PDE10A: variants seen among roughly 807,000 people sequenced by gnomAD.
The protein encoded by PDE10A is phosphodiesterase 10A, also known as cAMP and cAMP-inhibited cGMP 3',5'-cyclic phosphodiesterase 10A.
PDE10A carries 39 observed loss-of-function variants against 97.7 expected under a neutral mutation model. The observed-to-expected ratio is 0.40, with a 90% confidence interval of 0.31 to 0.52. PDE10A has a LOEUF of 0.52. Ranked by LOEUF, PDE10A falls within the 20% of genes least tolerant of loss-of-function variation. The pLI is 0.56. For synonymous variants in PDE10A, 371 were observed against 376.8 expected, an observed-to-expected ratio of 0.98 and a Z score of 0.18; for missense variants, 731 against 1,047.8, an observed-to-expected ratio of 0.70 and a Z score of 4.17.
chr6:165,353,722 T>C (rs1466100113), intron 18 of PDE10A, among the ~76,000 whole-genome samples: 1 of 151,862 alleles, frequency 6.6e-6, no homozygotes, highest in Non-Finnish European at 1.5e-5. Context: ...TTGCCAGGAG[T>C]TGCGGAGAGT....
At chr6:165,842,274 G>A (rs1780283832) in intron 1 of PDE10A, among the ~76,000 whole-genome samples, 1 of 152,122 alleles carries the variant, frequency 6.6e-6, no homozygotes, top group Admixed American at 6.5e-5. Context: ...ACAGATAACA[G>A]CGTTGATCTC....
intron 1 of PDE10A, among the ~76,000 whole-genome samples, chr6:165,558,813 C>T (rs1201046153): frequency 2.6e-5 from 4 of 152,008 alleles, no homozygotes; most frequent in African/African-American, 9.7e-5. Context: ...GCTGCAAAGT[C>T]GATAAGGGTA....
At chr6:165,791,027 A>C (rs1167972159) in intron 1 of PDE10A, among the ~76,000 whole-genome samples, 1 of 151,934 alleles carries the variant, frequency 6.6e-6, no homozygotes, top group East Asian at 1.9e-4. Flanking sequence ...TAACCCCAGC[A>C]ACCAACTCCT....
intron 1 of PDE10A, among the ~76,000 whole-genome samples, chr6:165,654,107 T>C (rs1789818877): frequency 6.6e-6 from 1 of 152,238 alleles, no homozygotes; most frequent in African/African-American, 2.4e-5. Flanking sequence ...CATACCTTTG[T>C]GTTTAGTATA....
chr6:165,488,810 T>C (rs571362621), intron 2 of PDE10A, among the ~76,000 whole-genome samples: 24 of 152,230 alleles, frequency 1.6e-4, no homozygotes, highest in African/African-American at 5.5e-4. Flanking sequence ...GGCTGCCGGC[T>C]TTACCCCACT....
At chr6:165,892,747 G>A (rs924889379) in intron 1 of PDE10A, among the ~76,000 whole-genome samples, 1 of 152,182 alleles carries the variant, frequency 6.6e-6, no homozygotes, top group Non-Finnish European at 1.5e-5. Context: ...TGTACTGGGA[G>A]TGTCATGCCT....
At chr6:165,371,327 T>C (rs7753220) in intron 18 of PDE10A, among the ~76,000 whole-genome samples, 83,293 of 151,702 alleles carry the variant, frequency 0.55, 23,767 homozygotes, top group African/African-American at 0.71. Context: ...ATTGATAGAC[T>C]GCTAGCAAGA....
chr6:165,764,645 C>T (rs1313454783), intron 1 of PDE10A, among the ~76,000 whole-genome samples: 1 of 152,076 alleles, frequency 6.6e-6, no homozygotes, highest in East Asian at 1.9e-4. Context: ...GGCGACGCGT[C>T]TGGAGTTGTT....
At chr6:165,902,374 C>T (rs891152726) in intron 1 of PDE10A, among the ~76,000 whole-genome samples, 2 of 152,162 alleles carry the variant, frequency 1.3e-5, no homozygotes, top group African/African-American at 2.4e-5. Context: ...TTACTTTGAT[C>T]GGTGTTTCTG....
At chr6:165,780,036 C>G (rs1360416090) in intron 1 of PDE10A, among the ~76,000 whole-genome samples, 1 of 152,230 alleles carries the variant, frequency 6.6e-6, no homozygotes, top group East Asian at 1.9e-4. Context: ...TGCCTTTTCT[C>G]TACTCTCCCC....
chr6:165,827,390 A>G (rs1374706303), intron 1 of PDE10A, among the ~76,000 whole-genome samples: 1 of 152,040 alleles, frequency 6.6e-6, no homozygotes, highest in African/African-American at 2.4e-5. Flanking sequence ...TCCACCCCGA[A>G]CTCTCCCAGA....
chr6:165,415,758 G>A (rs1788267495), intron 12 of PDE10A, among the ~76,000 whole-genome samples: 1 of 152,160 alleles, frequency 6.6e-6, no homozygotes, highest in South Asian at 2.1e-4. Context: ...TCAGTTGAGA[G>A]CTAAGAAATG....
At chr6:165,569,185 T>C (rs1193775743) in intron 1 of PDE10A, among the ~76,000 whole-genome samples, 1 of 152,230 alleles carries the variant, frequency 6.6e-6, no homozygotes, top group Non-Finnish European at 1.5e-5. Flanking sequence ...ACTAGAATAC[T>C]TTAACTTATG....
At chr6:165,790,916 G>T (rs905436596) in intron 1 of PDE10A, among the ~76,000 whole-genome samples, 4 of 152,080 alleles carry the variant, frequency 2.6e-5, no homozygotes, top group Non-Finnish European at 5.9e-5. Context: ...CATTACCGTT[G>T]ACTATACCTG....
At position 165,474,963 on chromosome 6, in the gene PDE10A, T is replaced by C. The variant is rs568694530; in HGVS notation, c.1023+7352A>G. ...GGGCTACTGCTTTTTCGAGCTTCCA[T>C]CAAACAACAGGAAAATTAAGCTCTA... On this transcript the variant is annotated intron_variant, in intron 3 of 21. Coordinates refer to ENST00000539869, the MANE Select transcript of PDE10A (RefSeq NM_001385079.1). 1.4e-3 allele frequency among the ~76,000 whole-genome samples: 220 copies of C among 151,934 alleles called. 1 individual carries two copies. The highest frequency in any genetic ancestry group is 5.1e-3 in the African/African-American group (210 of 41,430).
chr6:165,587,011 G>C (rs1785953089), intron 1 of PDE10A, among the ~76,000 whole-genome samples: 2 of 152,144 alleles, frequency 1.3e-5, no homozygotes, highest in Admixed American at 6.6e-5. Flanking sequence ...GCAAACTGTG[G>C]GGCATCCATT....
intron 18 of PDE10A, among the ~76,000 whole-genome samples, chr6:165,363,657 AT>A (rs1429700152): frequency 6.6e-6 from 1 of 152,234 alleles, no homozygotes; most frequent in African/African-American, 2.4e-5. Context: ...CCAAAAAATT[AT>A]TAGAAGAAAT....
chr6:165,788,534 A>AG (rs1376968919), intron 1 of PDE10A, among the ~76,000 whole-genome samples: 10 of 150,254 alleles, frequency 6.7e-5, no homozygotes, highest in Admixed American at 1.3e-4. Context: ...AAAAAAAAAA[A>AG]AAAAAGAAAA....
chr6:165,669,047 G>A (rs937564214), intron 1 of PDE10A, among the ~76,000 whole-genome samples: 8 of 152,326 alleles, frequency 5.3e-5, no homozygotes, highest in Non-Finnish European at 7.3e-5. Context: ...GAAGGCTCCC[G>A]TCTAGACTGA....
Sources: allele counts gnomAD v4.1 joint callset (sites outside exome capture counted in the v4.1 genomes callset), GRCh38; gene constraint gnomAD v4.1.1; transcripts MANE v1.5; gene names NCBI Gene and HGNC (gene_info 2026-07-23, HGNC 2026-07-21).